The following RGS9 variants were observed in gnomAD, a reference collection of about 807,000 sequenced individuals.
RGS9 encodes the protein regulator of G protein signaling 9, also known as regulator of G-protein signalling 9.
In RGS9, 78 loss-of-function variants were observed where a neutral mutation model predicts 102.0. The ratio of observed to expected loss-of-function variants is 0.76; its 90% CI spans 0.64 to 0.92. The LOEUF (loss-of-function observed/expected upper bound fraction) is 0.92, where lower values mean the gene tolerates loss of function less well. RGS9 is among the 40% of genes least tolerant of loss of function. The pLI, the probability that RGS9 is intolerant of heterozygous loss-of-function variation, is 0.00. For synonymous variants in RGS9, 353 were observed against 318.6 expected, an observed-to-expected ratio of 1.11 and a Z score of -1.15; for missense variants, 833 against 866.1, an observed-to-expected ratio of 0.96 and a Z score of 0.48.
At chr17:65,156,228 G>A (rs1215989422) in intron 2 of RGS9, among the ~76,000 whole-genome samples, 1 of 152,152 alleles carries the variant, frequency 6.6e-6, no homozygotes, top group African/African-American at 2.4e-5. Context: ...TCACTATGTT[G>A]GTCAGGCTGA....
In RGS9 at chr17:65,197,892, A is replaced by G. The variant is rs150329438; in HGVS notation, c.976+651A>G. On this transcript the variant is annotated intron_variant, in intron 13 of 18. Transcript: ENST00000262406. ...CACCATATTGGCCACGCTGGTCTGA[A>G]ACTCCTGACCTCAGGTGATCTGCCC... Among the ~76,000 whole-genome samples the G allele has an allele frequency of 1.3e-3, 201 of 152,058 alleles. 1 individual carries two copies. The Middle Eastern group carries it at 0.014, about 10-fold the overall frequency.
intron 1 of RGS9, among the ~76,000 whole-genome samples, chr17:65,144,070 G>A (rs891547668): frequency 6.6e-6 from 1 of 152,156 alleles, no homozygotes; most frequent in Non-Finnish European, 1.5e-5. Context: ...CCGAGCACTG[G>A]TTAGGGCATG....
chr17:65,188,988 AC>A, intron 9 of RGS9: 1 of 470,188 alleles, frequency 2.1e-6, no homozygotes, highest in Non-Finnish European at 3.9e-6. Context: ...TTCTGTAGGC[AC>A]TATGCTAAAC....
chr17:65,220,897 G>T (rs1913684277), intron 17 of RGS9, among the ~76,000 whole-genome samples: 1 of 152,132 alleles, frequency 6.6e-6, no homozygotes, highest in Admixed American at 6.5e-5. Flanking sequence ...ACAATGCTAA[G>T]CTCTCCTTCA....
chr17:65,187,120 G>GA lies in RGS9; in HGVS notation c.655-2159dup, dbSNP rs200917682. Among the ~76,000 whole-genome samples the GA allele has an allele frequency of 3.5e-4, 53 of 152,128 alleles. 1 individual carries two copies. The East Asian group carries it at 0.01, about 29-fold the overall frequency. ...GGGGAGTGCTTTCAATTTTTTAGTGGAAAAAAATGCTATTAAGCTTAGAAA... is the reference window on the plus strand; with the variant it reads ...GGGGAGTGCTTTCAATTTTTTAGTGGAAAAAAAATGCTATTAAGCTTAGAAA... On this transcript the variant is annotated intron_variant, in intron 9 of 18. Transcript: ENST00000262406.
In RGS9 at chr17:65,207,909, T is replaced by C. The variant is rs1313018471; in HGVS notation, c.1204-13T>C. On this transcript the variant is annotated splice_polypyrimidine_tract_variant and intron_variant, in intron 15 of 18. Transcript: ENST00000262406. The stretch of plus-strand genomic sequence containing the variant: ...TTCTCTCATAATTACTGTTGTTTTC[T>C]TGTTCCCACTAGGATTCTTATGCTC... The C allele has an allele frequency of 1.5e-5, 24 of 1,593,208 alleles. No individual in the cohort carries two copies. The highest frequency in any genetic ancestry group is 1.6e-5 in the Non-Finnish European group (19 of 1,161,674).
At chr17:65,192,613 C>CA (rs67234329) in intron 11 of RGS9, among the ~76,000 whole-genome samples, 2,893 of 126,938 alleles carry the variant, frequency 0.023, 40 homozygotes, top group Non-Finnish European at 0.032. Flanking sequence ...GACAATGTCT[C>CA]AAAAAAAAAA....
intron 13 of RGS9, among the ~76,000 whole-genome samples, chr17:65,198,453 G>A (rs1047641789): frequency 1.1e-4 from 17 of 152,104 alleles, no homozygotes; most frequent in Middle Eastern, 3.4e-3. Context: ...ACAGGGTTTC[G>A]CCATGTTGGC....
At position 65,202,014 on chromosome 17, in the gene RGS9, A is replaced by G. The variant is rs1299160040; in HGVS notation, c.998A>G (p.Glu333Gly). 1 of 1,613,580 alleles carries G rather than the reference A, an allele frequency of 6.2e-7. No individual in the cohort carries two copies. The highest frequency in any genetic ancestry group is 8.5e-7 in the Non-Finnish European group (1 of 1,179,586). The change falls in exon 14 of 19, where the codon GAA becomes GGA. Residue 333 changes from glutamate (E) to glycine (G), a missense_variant. This residue lies in a region of RGS9 where 185 missense variants were observed against 248.7 expected (regional missense o/e 0.74). Transcript: ENST00000262406. Reference protein sequence around the residue: ...EFSGENLGFWEACEDLKYGDQ... With the variant: ...EFSGENLGFWGACEDLKYGDQ... ...GCAGGAGAGAATCTGGGATTCTGGG[A>G]AGCCTGCGAGGATCTGAAGTATGGA...
intron 18 of RGS9, among the ~76,000 whole-genome samples, chr17:65,226,548 G>A (rs1230731729): frequency 2.0e-5 from 3 of 152,014 alleles, no homozygotes. Context: ...ACATGGGCTT[G>A]GGACTTTAAA....
chr17:65,142,622 G>A (rs539595355), intron 1 of RGS9, among the ~76,000 whole-genome samples: 96 of 129,850 alleles, frequency 7.4e-4, no homozygotes, highest in African/African-American at 2.7e-3. Flanking sequence ...TGTCTCTGTT[G>A]CTCAGGCTGG....
At chr17:65,182,911 G>A (rs967965264) in intron 9 of RGS9, among the ~76,000 whole-genome samples, 1 of 152,144 alleles carries the variant, frequency 6.6e-6, no homozygotes, top group Non-Finnish European at 1.5e-5. Context: ...ACAGTGAACT[G>A]CATTTTTATT....
At chr17:65,211,552 T>G (rs1388769769) in intron 17 of RGS9, among the ~76,000 whole-genome samples, 1 of 152,214 alleles carries the variant, frequency 6.6e-6, no homozygotes, top group Non-Finnish European at 1.5e-5. Context: ...TTCCCTCTTC[T>G]GTAGGTGTAG....
At chr17:65,138,476 G>A (rs1405848110) in intron 1 of RGS9, among the ~76,000 whole-genome samples, 1 of 152,114 alleles carries the variant, frequency 6.6e-6, no homozygotes, top group Non-Finnish European at 1.5e-5. Flanking sequence ...AGTGACCGCT[G>A]TCCTGATTTG....
intron 15 of RGS9, 96 bp downstream of exon 15, chr17:65,204,397 A>G (rs1024789103): frequency 7.0e-7 from 1 of 1,427,740 alleles, no homozygotes; most frequent in African/African-American, 1.4e-5. Flanking sequence ...GAGAGAGGAT[A>G]CGTGGATAGA....
intron 9 of RGS9, among the ~76,000 whole-genome samples, chr17:65,183,111 C>CTATCTATCTAT (rs1360431205): frequency 5.4e-4 from 42 of 78,266 alleles, no homozygotes; most frequent in East Asian, 3.9e-3. Flanking sequence ...TATCTATCTA[C>CTATCTATCTAT]CTACCTACCT....
At chr17:65,188,808 T>G in intron 9 of RGS9, 1 of 174,922 alleles carries the variant, frequency 5.7e-6, no homozygotes, top group Admixed American at 5.5e-5. Context: ...AAAGACGGGG[T>G]TTTGTCATGT....
chr17:65,227,318 T>C lies in RGS9; in HGVS notation c.1936T>C (p.Cys646Arg), dbSNP rs1208080016. The C allele has an allele frequency of 6.2e-7, 1 of 1,614,156 alleles. No individual in the cohort carries two copies. Among genetic ancestry groups the C allele is most frequent in the East Asian group, 2.2e-5 (1 of 44,876 alleles). The part of the protein sequence containing the change: ...KMDVPTGSGT[C>R]LMDSEDAGTG... ...GGATGTGCCCACGGGGAGCGGGACC[T>C]GCTTGATGGACTCGGAGGATGCTGG... The change falls in exon 19 of 19, where the codon TGC becomes CGC. Residue 646 changes from cysteine (C) to arginine (R), a missense_variant. Transcript: ENST00000262406.
chr17:65,138,168 C>T (rs1260920826), intron 1 of RGS9, among the ~76,000 whole-genome samples: 2 of 152,182 alleles, frequency 1.3e-5, no homozygotes, highest in Admixed American at 6.5e-5. Flanking sequence ...ACAAAGTGAC[C>T]GGGCACAGGG....
Sources: gnomAD v4.1 joint callset for allele counts (sites outside exome capture counted in the v4.1 genomes callset) on GRCh38, gnomAD v4.1.1 for gene constraint, gnomAD v4.1.1 regional missense constraint, MANE v1.5 for transcripts, NCBI Gene and HGNC (gene_info 2026-07-23, HGNC 2026-07-21) for gene names.